The following EHMT1 variants were observed in gnomAD, a reference collection of about 807,000 sequenced individuals.
The protein encoded by EHMT1 is euchromatic histone lysine methyltransferase 1.
EHMT1 carries 15 observed loss-of-function variants against 147.2 expected under a neutral mutation model. The observed-to-expected ratio is 0.10, with a 90% CI of 0.07 to 0.16. The LOEUF is 0.16. Ranked by LOEUF, EHMT1 falls within the 10% of genes least tolerant of loss-of-function variation. The probability of loss-of-function intolerance (pLI) is 1.00; values close to 1 mark genes in which losing one functional copy is unlikely to be tolerated. For synonymous variants in EHMT1, 795 were observed against 709.6 expected (o/e 1.12, Z -1.91); for missense variants, 1,587 against 1,772.4 (o/e 0.90, Z 1.88).
chr9:137,692,924 A>T (rs993594870), intron 1 of EHMT1, among the ~76,000 whole-genome samples: 1 of 152,116 alleles, frequency 6.6e-6, no homozygotes, highest in African/African-American at 2.4e-5. Flanking sequence ...AAAAGGGACA[A>T]TCAGAAGCCT....
In EHMT1 at chr9:137,675,802, T is replaced by TTTG. The variant is rs35541714; in HGVS notation, c.22-35165_22-35164insTTG. Among the ~76,000 whole-genome samples the TTTG allele has an allele frequency of 2.1e-3, 223 of 104,716 alleles. 20 individuals are homozygous for TTTG. The highest frequency in any genetic ancestry group is 8.7e-3 in the African/African-American group (207 of 23,800). The allele number at this position is 104,716 out of a possible 152,430, so 68.7% of individuals were successfully genotyped here. On this transcript the variant is annotated intron_variant, in intron 1 of 26. Coordinates refer to ENST00000460843, the MANE Select transcript of EHMT1 (RefSeq NM_024757.5). Reference sequence around the variant, plus strand: ...TAATTTTTTTTTTTTTTTTTTTTTTTAGACGGAGTCTCGCTCTGTCGCCCA... The same window carrying TTTG: ...TAATTTTTTTTTTTTTTTTTTTTTTTTTGAGACGGAGTCTCGCTCTGTCGCCCA...
chr9:137,833,130 T>C (rs1296230298), intron 25 of EHMT1, among the ~76,000 whole-genome samples: 1 of 152,180 alleles, frequency 6.6e-6, no homozygotes, highest in Non-Finnish European at 1.5e-5. Flanking sequence ...GCTTGTTGGT[T>C]TGGGTTTTAA....
chr9:137,691,803 T>G (rs1442903035), intron 1 of EHMT1, among the ~76,000 whole-genome samples: 2 of 152,174 alleles, frequency 1.3e-5, no homozygotes, highest in Non-Finnish European at 1.5e-5. Context: ...CTCTCCTGGG[T>G]GTGAAGTGGC....
chr9:137,746,191 T>G (rs1182549220), intron 6 of EHMT1: 1 of 152,286 alleles, frequency 6.6e-6, no homozygotes. Flanking sequence ...TCACGCTCAG[T>G]GCAACCTTGA....
intron 10 of EHMT1, among the ~76,000 whole-genome samples, chr9:137,768,366 T>C (rs1427979363): frequency 6.8e-6 from 1 of 147,220 alleles, no homozygotes; most frequent in South Asian, 2.2e-4. Flanking sequence ...TTTTTTTTTT[T>C]TTCTGAGACA....
intron 3 of EHMT1, among the ~76,000 whole-genome samples, chr9:137,718,754 C>CTTTTTTTTTTTTT (rs1163532857): frequency 6.8e-6 from 1 of 146,340 alleles, no homozygotes; most frequent in African/African-American, 2.7e-5. Flanking sequence ...TTTTCTTTTT[C>CTTTTTTTTTTTTT]TTTTTCTTTT....
intron 25 of EHMT1, among the ~76,000 whole-genome samples, chr9:137,832,081 G>A (rs1169883020): frequency 6.7e-6 from 1 of 149,632 alleles, no homozygotes; most frequent in Non-Finnish European, 1.5e-5. Flanking sequence ...CTCCTACGTG[G>A]CCGCTGCACT....
intron 10 of EHMT1, among the ~76,000 whole-genome samples, chr9:137,768,303 T>C (rs1390470025): frequency 6.6e-6 from 1 of 151,626 alleles, no homozygotes; most frequent in East Asian, 1.9e-4. Flanking sequence ...TAATAGTTTT[T>C]CCACTTATAC....
intron 4 of EHMT1, among the ~76,000 whole-genome samples, chr9:137,735,307 A>G (rs1205280544): frequency 6.6e-6 from 1 of 152,246 alleles, no homozygotes; most frequent in Non-Finnish European, 1.5e-5. Flanking sequence ...TACTGAAGTT[A>G]AGCTGGCATA....
chr9:137,796,074 G>A (rs981475132), intron 16 of EHMT1, among the ~76,000 whole-genome samples: 7 of 152,238 alleles, frequency 4.6e-5, no homozygotes, highest in African/African-American at 1.7e-4. Context: ...GGCATCGAAA[G>A]CGAGAAACCA....
intron 3 of EHMT1, among the ~76,000 whole-genome samples, chr9:137,720,019 C>T (rs1444310699): frequency 2.1e-5 from 1 of 48,272 alleles, no homozygotes; most frequent in Non-Finnish European, 3.4e-5. Flanking sequence ...AGGACACAGT[C>T]GAGGTGCCGA....
At chr9:137,659,896 C>G (rs1938894056) in intron 1 of EHMT1, among the ~76,000 whole-genome samples, 1 of 152,014 alleles carries the variant, frequency 6.6e-6, no homozygotes, top group Non-Finnish European at 1.5e-5. Context: ...TTTTAAGAGA[C>G]TTTTCTTTCT....
intron 18 of EHMT1, among the ~76,000 whole-genome samples, chr9:137,801,404 C>G (rs1207628405): frequency 2.0e-5 from 3 of 152,248 alleles, no homozygotes; most frequent in African/African-American, 7.2e-5. Context: ...TCACTGCAAC[C>G]TCTGCCTCCT....
At chr9:137,635,689 G>T (rs189451374) in intron 1 of EHMT1, among the ~76,000 whole-genome samples, 1 of 150,872 alleles carries the variant, frequency 6.6e-6, no homozygotes, top group Non-Finnish European at 1.5e-5. Context: ...ACGTGGTGGC[G>T]GGCGCCTGTA....
intron 18 of EHMT1, chr9:137,803,035 C>G: frequency 8.1e-7 from 1 of 1,231,206 alleles, no homozygotes. Flanking sequence ...CCCACCGCCC[C>G]CGGAGACTGC....
Position 137,647,245 on chromosome 9 carries a change from A to ACCCCAGGCTCGTG in EHMT1, c.21+28206_21+28218dup, listed in dbSNP as rs1589108045. 2.6e-5 allele frequency among the ~76,000 whole-genome samples: 4 copies of ACCCCAGGCTCGTG among 151,578 alleles called. No individual in the cohort carries two copies. The East Asian group carries it at 7.8e-4, about 29-fold the overall frequency. ...CCCTGAGCTATCCAGTCCTCTGTTG[A>ACCCCAGGCTCGTG]CCCCAGGCTCGTGCCCCAGGCTGAC... On this transcript the variant is annotated intron_variant, in intron 1 of 26. Transcript: ENST00000460843.
chr9:137,706,228 AT>A (rs1201162787), intron 1 of EHMT1, among the ~76,000 whole-genome samples: 1 of 152,004 alleles, frequency 6.6e-6, no homozygotes, highest in Non-Finnish European at 1.5e-5. Flanking sequence ...AATGCAGATG[AT>A]TTTTTTGGGA....
chr9:137,693,288 T>C, intron 1 of EHMT1, among the ~76,000 whole-genome samples: 1 of 152,130 alleles, frequency 6.6e-6, no homozygotes, highest in East Asian at 1.9e-4. Context: ...CTAAACACTT[T>C]AATTTTATAT....
intron 3 of EHMT1, among the ~76,000 whole-genome samples, chr9:137,721,998 CT>C (rs1345100671): frequency 6.8e-6 from 1 of 146,566 alleles, no homozygotes; most frequent in Non-Finnish European, 1.5e-5. Context: ...TTTTTTCAGT[CT>C]TACGTGAACT....
Sources: gnomAD v4.1 joint callset for allele counts (sites outside exome capture counted in the v4.1 genomes callset) on GRCh38, gnomAD v4.1.1 for gene constraint, MANE v1.5 for transcripts, NCBI Gene and HGNC (gene_info 2026-07-23, HGNC 2026-07-21) for gene names.